HERC2: variants seen among roughly 807,000 people sequenced by gnomAD.
HERC2 encodes the protein E3 ubiquitin-protein ligase HERC2.
HERC2 carries 102 observed loss-of-function variants against 537.7 expected under a neutral mutation model. That is an observed-to-expected ratio of 0.19 (90% CI 0.16 to 0.22). The LOEUF (loss-of-function observed/expected upper bound fraction) is 0.22. Among genes scored for constraint, HERC2 ranks in the 10% least tolerant of loss-of-function variants. HERC2 has a pLI of 1.00. For synonymous variants in HERC2, 2,224 were observed against 2,466.2 expected, an observed-to-expected ratio of 0.90 and a Z score of 2.91; for missense variants, 4,236 against 6,198.2, an observed-to-expected ratio of 0.68 and a Z score of 10.63.
chr15:28,254,426 C>G lies in HERC2; in HGVS notation c.2964G>C (p.Leu988=). The change falls in exon 20 of 93, where the codon CTG becomes CTC. Residue 988 remains leucine, a synonymous_variant. Transcript: ENST00000261609. ...ASTFHRSRTP[L]DKDLINTGIC... is the part of the protein sequence containing the mutation. ...TCCCCGTATTAATAAGGTCTTTATC[C>G]AGTGGAGTCCTGCTTCTATGAAATG... is the stretch of plus-strand genomic sequence containing the variant. 1 of 1,608,930 alleles carries G rather than the reference C, an allele frequency of 6.2e-7. No homozygotes were observed. The highest frequency in any genetic ancestry group is 8.5e-7 in the Non-Finnish European group (1 of 1,177,664).
chr15:28,264,679 A>G (rs2075513447), intron 14 of HERC2, among the ~76,000 whole-genome samples: 1 of 152,226 alleles, frequency 6.6e-6, no homozygotes, highest in Non-Finnish European at 1.5e-5. Flanking sequence ...TAAAGTAGCA[A>G]CTACACATAA....
chr15:28,271,379 T>C (rs1372942188), intron 9 of HERC2, among the ~76,000 whole-genome samples: 1 of 152,208 alleles, frequency 6.6e-6, no homozygotes, highest in African/African-American at 2.4e-5. Flanking sequence ...TGCCAAATAA[T>C]AGGCTGGGCA....
At chr15:28,275,105 CA>C in intron 5 of HERC2, 100 bp from the exon 6 acceptor site, 1 of 607,022 alleles carries the variant, frequency 1.6e-6, no homozygotes, top group Non-Finnish European at 2.8e-6. Context: ...AAAATCCGAC[CA>C]ATGGTTTTCT....
chr15:28,276,467 C>T (rs1284258924), intron 5 of HERC2, among the ~76,000 whole-genome samples: 1 of 152,124 alleles, frequency 6.6e-6, no homozygotes, highest in Non-Finnish European at 1.5e-5. Context: ...ACAGTCCTTA[C>T]AAGAGAAAGC....
intron 44 of HERC2, among the ~76,000 whole-genome samples, chr15:28,207,532 T>C (rs1420619762): frequency 2.0e-5 from 3 of 152,248 alleles, no homozygotes; most frequent in East Asian, 1.9e-4. Flanking sequence ...CCAGCTAAGC[T>C]TTGTTGAGAT....
In HERC2 at chr15:28,176,766, C is replaced by T; in HGVS notation, c.9435G>A (p.Val3145=). The T allele has an allele frequency of 6.2e-7, 1 of 1,613,422 alleles. No individual in the cohort carries two copies. Among genetic ancestry groups the T allele is most frequent in the Non-Finnish European group, 8.5e-7 (1 of 1,179,584 alleles). The change falls in exon 62 of 93, where the codon GTG becomes GTA. Residue 3145 remains valine, a splice_region_variant and synonymous_variant. Transcript: ENST00000261609. This position sits in a 1 kb window ranked among gnomAD's most constrained non-coding sequence, Gnocchi z 5.0. ...DNTTQLKPKM[V]KVLLGHRVIQ... is the part of the protein sequence containing the mutation. ...TTACTCTGTGACCGAGAAGGACTTT[C>T]ACCTACTCAATTACAAATTTAAAAA...
chr15:28,308,884 G>A (rs544626068), intron 2 of HERC2, among the ~76,000 whole-genome samples: 146 of 152,272 alleles, frequency 9.6e-4, no homozygotes, highest in African/African-American at 3.3e-3. Context: ...TTGTACCCCA[G>A]GGATAAACCC....
At chr15:28,168,690 A>G (rs1894399610) in intron 66 of HERC2, 100 bp from the exon 67 acceptor site, 2 of 1,016,400 alleles carry the variant, frequency 2.0e-6, no homozygotes, top group African/African-American at 1.6e-5. Flanking sequence ...GCGTTTCCTC[A>G]TTTTTACTGA....
intron 53 of HERC2, 23 bp from the exon 54 acceptor site, chr15:28,191,267 C>G: frequency 6.6e-7 from 1 of 1,510,286 alleles, no homozygotes; most frequent in Middle Eastern, 1.7e-4. Context: ...AAAAAAACCA[C>G]ATTCTCAGTT....
At chr15:28,167,158 C>G (rs1006804218) in intron 68 of HERC2, among the ~76,000 whole-genome samples, 1 of 152,178 alleles carries the variant, frequency 6.6e-6, no homozygotes. Context: ...AAGTATCTCC[C>G]CATGAGTACT....
At chr15:28,262,137 T>C (rs1183100742) in intron 15 of HERC2, among the ~76,000 whole-genome samples, 1 of 152,182 alleles carries the variant, frequency 6.6e-6, no homozygotes, top group Non-Finnish European at 1.5e-5. Flanking sequence ...CCTACTTTCT[T>C]GTCAATTTGT....
chr15:28,317,785 A>G (rs2077128688), intron 2 of HERC2, among the ~76,000 whole-genome samples: 1 of 152,222 alleles, frequency 6.6e-6, no homozygotes, highest in African/African-American at 2.4e-5. Context: ...ACCAACTTCA[A>G]TTTCTGGGTT....
At chr15:28,212,225 G>T (rs1899326081) in intron 43 of HERC2, among the ~76,000 whole-genome samples, 1 of 152,170 alleles carries the variant, frequency 6.6e-6, no homozygotes. Context: ...GAGCCATGGG[G>T]TTCTTCAAGT....
intron 2 of HERC2, among the ~76,000 whole-genome samples, chr15:28,309,756 G>C (rs1325116091): frequency 6.6e-6 from 1 of 151,998 alleles, no homozygotes; most frequent in Non-Finnish European, 1.5e-5. Flanking sequence ...CCAGACTCCT[G>C]ACCCACAGAA....
Position 28,307,131 on chromosome 15 carries a change from G to A in HERC2, c.73-7615C>T, listed in dbSNP as rs140397287. Among the ~76,000 whole-genome samples the A allele has an allele frequency of 6.0e-3, 918 of 152,278 alleles. 3 individuals are homozygous for A. The highest frequency in any genetic ancestry group is 0.011 in the Non-Finnish European group (725 of 68,008). ...ATTACAGGCATGAGCCACCACGCCC[G>A]GCCTGCAAACTTATCTATTTCTTCC... On this transcript the variant is annotated intron_variant, in intron 2 of 92. Coordinates refer to ENST00000261609, the MANE Select transcript of HERC2 (RefSeq NM_004667.6).
rs1465910429 is a variant in HERC2 at position 28,177,943 on chromosome 15, C to G, written c.9164-434G>C. The stretch of plus-strand genomic sequence containing the variant: ...ATTAATGCAATATATTCACTCTTCC[C>G]AAAACACGTCAGCTTATGCTCTTTC... On this transcript the variant is annotated intron_variant, in intron 59 of 92. Coordinates refer to ENST00000261609, the MANE Select transcript of HERC2 (RefSeq NM_004667.6). The surrounding 1 kb of genome is among the most constrained non-coding windows in gnomAD (Gnocchi z 5.0). Among the ~76,000 whole-genome samples, 2 of 152,084 alleles carry G rather than the reference C, an allele frequency of 1.3e-5. No individual in the cohort carries two copies. The highest frequency in any genetic ancestry group is 2.9e-5 in the Non-Finnish European group (2 of 68,026).
intron 38 of HERC2, among the ~76,000 whole-genome samples, chr15:28,217,058 G>A (rs1369241310): frequency 4.6e-5 from 7 of 152,030 alleles, no homozygotes; most frequent in Admixed American, 6.5e-5. Flanking sequence ...CTGACACAAG[G>A]CACTCATACA....
intron 2 of HERC2, among the ~76,000 whole-genome samples, chr15:28,308,928 T>C (rs2076865968): frequency 6.6e-6 from 1 of 152,240 alleles, no homozygotes; most frequent in African/African-American, 2.4e-5. Flanking sequence ...TTCTAACGTA[T>C]TGCTGAATTT....
chr15:28,151,551 C>G (rs1892452288), intron 70 of HERC2, among the ~76,000 whole-genome samples: 1 of 151,306 alleles, frequency 6.6e-6, no homozygotes, highest in East Asian at 1.9e-4. Context: ...TCAAAAGAAT[C>G]CAGGGCAGAC....
Sources: gnomAD v4.1 joint callset for allele counts (sites outside exome capture counted in the v4.1 genomes callset) on GRCh38, gnomAD v4.1.1 for gene constraint, Gnocchi (gnomAD v3.1) non-coding constraint, MANE v1.5 for transcripts, NCBI Gene and HGNC (gene_info 2026-07-23, HGNC 2026-07-21) for gene names.